Variants in RPL3L observed in about 807,000 individuals in gnomAD.
RPL3L encodes the protein ribosomal protein L3 like.
A neutral mutation model predicts 44.5 loss-of-function variants in RPL3L; 44 were observed. That is an observed-to-expected ratio of 0.99 (90% confidence interval 0.78 to 1.27). The LOEUF is 1.27. Among genes scored for constraint, RPL3L ranks in the 50% most tolerant of loss-of-function variants. The pLI is 0.00. For missense variants in RPL3L, 631 were observed against 569.1 expected (o/e 1.11, Z -1.11); for synonymous variants, 292 against 230.7 (o/e 1.27, Z -2.41).
At position 1,944,758 on chromosome 16, in the gene RPL3L, G is replaced by T. The variant is rs1384832518; in HGVS notation, c.*79C>A. The T allele has an allele frequency of 1.1e-5, 18 of 1,594,666 alleles. No homozygotes were observed. The highest frequency in any genetic ancestry group is 1.7e-5 in the Admixed American group (1 of 59,904). On this transcript the variant is annotated 3_prime_UTR_variant, in exon 10 of 10. Transcript: ENST00000268661. ...TTACACAGCGCTCTGAGACCTCGCA[G>T]GAAGAGTCGCCTCCGGCCTTTGTTA...
chr16:1,949,032 G>T, intron 4 of RPL3L, among the ~76,000 whole-genome samples: 1 of 128,038 alleles, frequency 7.8e-6, no homozygotes, highest in Non-Finnish European at 1.6e-5. Flanking sequence ...TTTTTGTAGA[G>T]ATGGGGATCT....
chr16:1,947,383 G>A lies in RPL3L; in HGVS notation c.502-3C>T. ...TGCCGGAAGGGCAGCAGTTTCATCT[G>A]CAGGACATGGCCGGAGGTCACGCCA... On this transcript the variant is annotated splice_region_variant and splice_polypyrimidine_tract_variant and intron_variant, in intron 4 of 9. Transcript: ENST00000268661. 6.4e-7 allele frequency: 1 copy of A among 1,571,180 alleles called. No homozygotes were observed. The highest frequency in any genetic ancestry group is 8.6e-7 in the Non-Finnish European group (1 of 1,160,266).
At chr16:1,952,779 C>G in intron 3 of RPL3L, 95 bp downstream of exon 3, 1 of 1,443,502 alleles carries the variant, frequency 6.9e-7, no homozygotes, top group South Asian at 1.2e-5. Flanking sequence ...TCCTACTCAC[C>G]CACACCTATC....
rs372298091 is a variant in RPL3L, at chr16:1,947,228, A to G, written c.654T>C (p.Asp218=). 39 of 1,613,174 alleles carry G rather than the reference A, an allele frequency of 2.4e-5. No individual in the cohort carries two copies. Among genetic ancestry groups the G allele is most frequent in the Non-Finnish European group, 3.1e-5 (36 of 1,179,542 alleles). ...CTCGACCCTTGGTGACAGCAATGAC[A>G]TCAATGACCTCACTCTGGCTGAACA... The part of the protein sequence containing the change: ...HSVFSQSEVI[D]VIAVTKGRGV... The change falls in exon 5 of 10, where the codon GAT becomes GAC. Residue 218 remains aspartate, a synonymous_variant. Coordinates refer to ENST00000268661, the MANE Select transcript of RPL3L (RefSeq NM_005061.3).
chr16:1,948,960 C>T (rs1020316063), intron 4 of RPL3L, among the ~76,000 whole-genome samples: 2 of 151,810 alleles, frequency 1.3e-5, no homozygotes, highest in East Asian at 3.9e-4. Context: ...ATCTGCCTGC[C>T]TCGGCCTCCC....
At chr16:1,949,264 T>TC (rs59504541) in intron 4 of RPL3L, among the ~76,000 whole-genome samples, 33,462 of 116,338 alleles carry the variant, frequency 0.29, 4,108 homozygotes, top group East Asian at 0.6. Flanking sequence ...TTTTTCTTTT[T>TC]TTTTTTTTTT....
chr16:1,944,593 G>C lies in RPL3L; in HGVS notation c.*244C>G, dbSNP rs1379521365. 2.5e-6 allele frequency: 1 copy of C among 394,222 alleles called. No individual in the cohort carries two copies. The highest frequency in any genetic ancestry group is 3.8e-5 in the Admixed American group (1 of 26,120). 24.4% of individuals were successfully genotyped at this position (394,222 alleles called of 1,614,324 possible). ...TGCTCCGCAAATGCTCAAAGAGATC[G>C]ATTTGAGTAATAATAAAACATAAAA... On this transcript the variant is annotated 3_prime_UTR_variant, in exon 10 of 10. Transcript: ENST00000268661.
At position 1,954,390 on chromosome 16, in the gene RPL3L, G is replaced by C. The variant is rs186187385; in HGVS notation, c.3+239C>G. ...TGGGCTCAGCCTGGGGCCCAGGAGG[G>C]TCGCACCCATACTGCAGCCAAGGGC... On this transcript the variant is annotated intron_variant, in intron 1 of 9. Coordinates refer to ENST00000268661, the MANE Select transcript of RPL3L (RefSeq NM_005061.3). 3.3e-5 allele frequency among the ~76,000 whole-genome samples: 5 copies of C among 152,232 alleles called. No homozygotes were observed. The East Asian group carries it at 9.7e-4, about 29-fold the overall frequency.
intron 2 of RPL3L, 119 bp downstream of exon 2, chr16:1,953,837 G>T: frequency 9.3e-7 from 1 of 1,074,866 alleles, no homozygotes; most frequent in Non-Finnish European, 1.2e-6. Flanking sequence ...ATTCCCGGGG[G>T]CGAGGCCTGG....
In RPL3L at chr16:1,947,002, A is replaced by G. The variant is rs752624571; in HGVS notation, c.785T>C (p.Val262Ala). Reference sequence around the variant, plus strand: ...CCCGGCCCGAGCAATGGAGCAGCCCACGCGGGCGGGGTGCCAGGCGCCAAT... The same window carrying G: ...CCCGGCCCGAGCAATGGAGCAGCCCGCGCGGGCGGGGTGCCAGGCGCCAAT... ...ACIGAWHPARVGCSIARAGQK... is the reference protein window; with the variant it reads ...ACIGAWHPARAGCSIARAGQK... The change falls in exon 6 of 10, where the codon GTG becomes GCG. Residue 262 changes from valine (V) to alanine (A), a missense_variant. Coordinates refer to ENST00000268661, the MANE Select transcript of RPL3L (RefSeq NM_005061.3). 362 of 1,611,740 alleles carry G rather than the reference A, an allele frequency of 2.2e-4. No homozygotes were observed. Among genetic ancestry groups the G allele is most frequent in the Non-Finnish European group, 2.7e-4 (324 of 1,179,614 alleles).
At position 1,947,393 on chromosome 16, in the gene RPL3L, G is replaced by A. The variant is rs930584727; in HGVS notation, c.502-13C>T. On this transcript the variant is annotated splice_polypyrimidine_tract_variant and intron_variant, in intron 4 of 9. Transcript: ENST00000268661. ...GCAGCAGTTTCATCTGCAGGACATG[G>A]CCGGAGGTCACGCCACGGCCCACGG... 4 of 1,556,118 alleles carry A rather than the reference G, an allele frequency of 2.6e-6. No homozygotes were observed. The highest frequency in any genetic ancestry group is 2.3e-5 in the East Asian group (1 of 44,044).
rs771468514 is a variant in RPL3L at position 1,954,006 on chromosome 16, T to C, written c.146A>G (p.Tyr49Cys). Residue 49 changes from tyrosine (Y) to cysteine (C), a missense_variant, in exon 2 of 10, where the codon TAC (tyrosine) becomes TGC (cysteine). By Grantham distance (194) the Tyr-to-Cys change is radical. Transcript: ENST00000268661. ...QPVHLTAFLG[Y>C]KAGMTHTLRE... ...CAGGGTGTGGGTCATGCCCGCCTTG[T>C]AGCCCAGGAAGGCCGTGAGGTGCAC... The C allele has an allele frequency of 6.2e-6, 10 of 1,600,466 alleles. No homozygotes were observed. In the Admixed American group the frequency reaches 1.7e-4, roughly 27 times the overall value.
intron 3 of RPL3L, among the ~76,000 whole-genome samples, chr16:1,951,518 C>T (rs1462591468): frequency 2.0e-5 from 3 of 152,104 alleles, no homozygotes; most frequent in Admixed American, 1.3e-4. Context: ...GTAGCTGAGA[C>T]CACAGGCATG....
In RPL3L at chr16:1,947,990, T is replaced by C. The variant is rs1387510632; in HGVS notation, c.502-610A>G. Among the ~76,000 whole-genome samples the C allele has an allele frequency of 2.7e-3, 382 of 144,000 alleles. 4 individuals are homozygous for C. Among genetic ancestry groups the C allele is most frequent in the African/African-American group, 9.8e-3 (371 of 37,990 alleles). The allele number at this position is 144,000 out of a possible 152,430, so 94.5% of individuals were successfully genotyped here. ...TCTCGCTCTATCGCCCAGGCTGGAGTGCAATGGCATGATCTCGGCTCACTG... is the reference window on the plus strand; with the variant it reads ...TCTCGCTCTATCGCCCAGGCTGGAGCGCAATGGCATGATCTCGGCTCACTG... On this transcript the variant is annotated intron_variant, in intron 4 of 9. Transcript: ENST00000268661.
intron 3 of RPL3L, 87 bp from the exon 4 acceptor site, chr16:1,951,066 C>T: frequency 6.5e-7 from 1 of 1,533,408 alleles, no homozygotes; most frequent in Non-Finnish European, 8.8e-7. Context: ...CCCCAGCCCA[C>T]CAAGCAGGGG....
At position 1,952,890 on chromosome 16, in the gene RPL3L, G is replaced by A. The variant is rs776967324; in HGVS notation, c.349C>T (p.Arg117Ter). ...GGTGCTCACCAGTCCTTGTAGAATC[G>A]GCGCCGGCACTCATCACTGAGGTGT... ...AEHLSDECRR[R>*]FYKDWHKSKK... is the part of the protein sequence containing the mutation. Residue 117 changes from arginine (R) to a stop codon, truncating the protein, a stop_gained, in exon 3 of 10, where the codon CGA (arginine) becomes TGA (stop). Transcript: ENST00000268661. LOFTEE classifies it high-confidence loss of function. The A allele has an allele frequency of 2.4e-5, 38 of 1,613,732 alleles. No homozygotes were observed. Among genetic ancestry groups the A allele is most frequent in the Non-Finnish European group, 2.7e-5 (32 of 1,179,996 alleles).
At chr16:1,949,980 A>T (rs1297279143) in intron 4 of RPL3L, among the ~76,000 whole-genome samples, 2 of 120,688 alleles carry the variant, frequency 1.7e-5, no homozygotes, top group Non-Finnish European at 3.4e-5. Flanking sequence ...TGGACGGGGC[A>T]GGTATGGACA....
chr16:1,952,512 C>T (rs1038109519), intron 3 of RPL3L, among the ~76,000 whole-genome samples: 2 of 151,994 alleles, frequency 1.3e-5, no homozygotes, highest in South Asian at 2.1e-4. Flanking sequence ...AGTAGCTGGA[C>T]TACAGGTGCG....
chr16:1,954,513 A>G, intron 1 of RPL3L, 116 bp downstream of exon 1: 2 of 1,178,146 alleles, frequency 1.7e-6, no homozygotes, highest in Non-Finnish European at 2.3e-6. Context: ...CCAGCCTCCC[A>G]TCCCCTCACA....
Sources: allele counts gnomAD v4.1 joint callset (sites outside exome capture counted in the v4.1 genomes callset), GRCh38; gene constraint gnomAD v4.1.1; transcripts MANE v1.5; gene names NCBI Gene and HGNC (gene_info 2026-07-23, HGNC 2026-07-21).